Variants in ZNF407 observed in about 807,000 individuals in gnomAD.
ZNF407 encodes zinc finger protein 407.
Under a neutral mutation model 131.2 loss-of-function variants are expected in ZNF407, and 17 were observed. That is an observed-to-expected ratio of 0.13 (90% CI 0.09 to 0.19). The LOEUF is 0.19. ZNF407 is among the 10% of genes least tolerant of loss of function. The pLI is 1.00. For synonymous variants in ZNF407, 1,156 were observed against 1,062.0 expected, an observed-to-expected ratio of 1.09 and a Z score of -1.72; for missense variants, 2,681 against 2,830.6, an observed-to-expected ratio of 0.95 and a Z score of 1.20.
intron 3 of ZNF407, among the ~76,000 whole-genome samples, chr18:74,756,140 C>T (rs1338796724): frequency 6.6e-6 from 1 of 151,628 alleles, no homozygotes; most frequent in Non-Finnish European, 1.5e-5. Context: ...GATGTGCTCA[C>T]GTCAGCCTCC....
intron 3 of ZNF407, among the ~76,000 whole-genome samples, chr18:74,680,495 C>T (rs1017361044): frequency 2.9e-4 from 44 of 151,654 alleles, no homozygotes; most frequent in Non-Finnish European, 4.4e-5. Context: ...CTTCTCAAAA[C>T]TGATAAACAC....
intron 3 of ZNF407, among the ~76,000 whole-genome samples, chr18:74,759,517 T>TC (rs746184568): frequency 6.6e-6 from 1 of 152,046 alleles, no homozygotes; most frequent in Non-Finnish European, 1.5e-5. Context: ...TTTTTCCTCT[T>TC]CCCCCTCTTT....
At chr18:74,690,138 T>TA (rs1254929024) in intron 3 of ZNF407, among the ~76,000 whole-genome samples, 3 of 151,818 alleles carry the variant, frequency 2.0e-5, no homozygotes, top group South Asian at 2.1e-4. Context: ...ATGCTAAACT[T>TA]AAAAAAAAAT....
intron 4 of ZNF407, among the ~76,000 whole-genome samples, chr18:74,785,937 C>T (rs2145038976): frequency 6.6e-6 from 1 of 152,292 alleles, no homozygotes; most frequent in South Asian, 2.1e-4. Flanking sequence ...CGATGTCACT[C>T]ACATGGCACA....
intron 8 of ZNF407, among the ~76,000 whole-genome samples, chr18:74,958,072 C>G (rs1342841709): frequency 6.6e-6 from 1 of 152,198 alleles, no homozygotes; most frequent in Non-Finnish European, 1.5e-5. Flanking sequence ...ACCCACGTCT[C>G]ACTTACACTG....
intron 8 of ZNF407, among the ~76,000 whole-genome samples, chr18:74,958,708 A>T (rs1972305165): frequency 1.3e-5 from 2 of 152,230 alleles, no homozygotes; most frequent in South Asian, 4.1e-4. Flanking sequence ...TCATATAAAC[A>T]TTGGCATAAA....
At chr18:74,708,938 G>A (rs574027090) in intron 3 of ZNF407, among the ~76,000 whole-genome samples, 91 of 152,326 alleles carry the variant, frequency 6.0e-4, no homozygotes, top group Non-Finnish European at 9.6e-4. Context: ...AGGGCCTGTC[G>A]CAGAGAATTT....
At chr18:74,840,772 C>T (rs1490673930) in intron 4 of ZNF407, among the ~76,000 whole-genome samples, 2 of 152,202 alleles carry the variant, frequency 1.3e-5, no homozygotes, top group African/African-American at 2.4e-5. Context: ...CCTCTCATAG[C>T]TCACATCCTA....
intron 3 of ZNF407, among the ~76,000 whole-genome samples, chr18:74,686,935 G>A (rs965566272): frequency 3.9e-5 from 6 of 152,176 alleles, no homozygotes; most frequent in South Asian, 2.1e-4. Flanking sequence ...TATTGAGCAC[G>A]TATTAGGTAC....
At chr18:74,719,346 C>G (rs1449818914) in intron 3 of ZNF407, among the ~76,000 whole-genome samples, 1 of 152,034 alleles carries the variant, frequency 6.6e-6, no homozygotes, top group Non-Finnish European at 1.5e-5. Flanking sequence ...CCTACGCTTC[C>G]TACCCGCTAG....
chr18:74,863,243 A>G (rs1476005927), intron 4 of ZNF407, among the ~76,000 whole-genome samples: 23 of 150,926 alleles, frequency 1.5e-4, no homozygotes. Flanking sequence ...TTTTCTAGGT[A>G]TTTCATACTT....
At chr18:74,833,300 T>C (rs765451494) in intron 4 of ZNF407, among the ~76,000 whole-genome samples, 1 of 152,200 alleles carries the variant, frequency 6.6e-6, no homozygotes, top group Non-Finnish European at 1.5e-5. Flanking sequence ...AGATTCCTGT[T>C]CTCTAGTGAG....
intron 4 of ZNF407, among the ~76,000 whole-genome samples, chr18:74,798,504 T>C (rs1248756923): frequency 6.6e-6 from 1 of 152,120 alleles, no homozygotes; most frequent in African/African-American, 2.4e-5. Flanking sequence ...ATTTCAGTGG[T>C]GTGGCAAGAG....
intron 8 of ZNF407, among the ~76,000 whole-genome samples, chr18:74,992,619 C>T (rs1462447213): frequency 6.6e-6 from 1 of 152,172 alleles, no homozygotes; most frequent in Non-Finnish European, 1.5e-5. Context: ...GGAAGGTGGA[C>T]CTTCAGACTT....
chr18:74,870,756 A>G (rs1568248809), intron 4 of ZNF407, among the ~76,000 whole-genome samples: 3 of 152,204 alleles, frequency 2.0e-5, no homozygotes, highest in Non-Finnish European at 4.4e-5. Flanking sequence ...TTATTTAGCT[A>G]TTAGAGTACC....
At chr18:75,060,359 G>A (rs1435126077) in intron 8 of ZNF407, 1 of 152,288 alleles carries the variant, frequency 6.6e-6, no homozygotes, top group Non-Finnish European at 1.5e-5. Context: ...GGCCAGGCCA[G>A]GCCTGGCTCC....
chr18:74,752,883 T>G (rs951428044), intron 3 of ZNF407, among the ~76,000 whole-genome samples: 3 of 152,170 alleles, frequency 2.0e-5, no homozygotes, highest in African/African-American at 7.2e-5. Context: ...CATATGAACT[T>G]TAAAGTAGTT....
At chr18:75,007,750 C>G (rs1048800558) in intron 8 of ZNF407, among the ~76,000 whole-genome samples, 3 of 152,146 alleles carry the variant, frequency 2.0e-5, no homozygotes, top group African/African-American at 7.2e-5. Context: ...TAGCTGCTGC[C>G]TTCACAGAGT....
At chr18:74,854,421 T>C (rs1012250530) in intron 4 of ZNF407, among the ~76,000 whole-genome samples, 1 of 152,214 alleles carries the variant, frequency 6.6e-6, no homozygotes, top group African/African-American at 2.4e-5. Flanking sequence ...ATTCATACTT[T>C]TGCTGTAACA....
Sources: gnomAD v4.1 joint callset for allele counts (sites outside exome capture counted in the v4.1 genomes callset) on GRCh38, gnomAD v4.1.1 for gene constraint, MANE v1.5 for transcripts, NCBI Gene and HGNC (gene_info 2026-07-23, HGNC 2026-07-21) for gene names.